Variants in BOLL observed in about 807,000 individuals in gnomAD.
BOLL encodes the protein protein boule-like.
Under a neutral mutation model 44.4 loss-of-function variants are expected in BOLL, and 23 were observed. That is an observed-to-expected ratio of 0.52 (90% CI 0.37 to 0.73). BOLL has a LOEUF of 0.73. BOLL is among the 30% of genes least tolerant of loss of function. BOLL has a pLI of 0.00. For missense variants in BOLL, 287 were observed against 338.3 expected (o/e 0.85, Z 1.19); for synonymous variants, 97 against 110.8 (o/e 0.88, Z 0.78).
chr2:197,740,945 G>T (rs1687702708), intron 10 of BOLL, among the ~76,000 whole-genome samples: 1 of 152,132 alleles, frequency 6.6e-6, no homozygotes, highest in Non-Finnish European at 1.5e-5. Flanking sequence ...TTTGGCTTAG[G>T]ATTGACTTGG....
chr2:197,759,005 T>G lies in BOLL; in HGVS notation c.553-1605A>C, dbSNP rs747078985. 22 of 1,535,548 alleles carry G rather than the reference T, an allele frequency of 1.4e-5. No homozygotes were observed. The South Asian group carries it at 2.4e-4, about 17-fold the overall frequency. On this transcript the variant is annotated intron_variant, in intron 7 of 10. Transcript: ENST00000392296. ...ATCTTCTTGTATGACATTGTTTAAT[T>G]CCCTCGTAAAAAAAGAGAGGCATGA...
rs1686947941 is a variant in BOLL, at chr2:197,728,423, A to G, written c.*132T>C. On this transcript the variant is annotated 3_prime_UTR_variant, in exon 11 of 11. Coordinates refer to ENST00000392296, the MANE Select transcript of BOLL (RefSeq NM_033030.6). ...ACAGCTTATAGTGGAATAACTGAGT[A>G]TGGTGAGGTATTAACTAACACTAAG... is the stretch of plus-strand genomic sequence containing the variant. 3 of 1,368,370 alleles carry G rather than the reference A, an allele frequency of 2.2e-6. No homozygotes were observed. Among genetic ancestry groups the G allele is most frequent in the Non-Finnish European group, 3.1e-6 (3 of 970,456 alleles). The allele number at this position is 1,368,370 out of a possible 1,614,324, so 84.8% of individuals were successfully genotyped here.
intron 7 of BOLL, among the ~76,000 whole-genome samples, chr2:197,759,460 C>T (rs998825303): frequency 3.9e-5 from 6 of 152,176 alleles, no homozygotes; most frequent in African/African-American, 1.4e-4. Context: ...TCCCCACCCC[C>T]TCAACCCCAC....
chr2:197,773,367 C>G (rs897000463), intron 5 of BOLL, among the ~76,000 whole-genome samples: 2 of 151,568 alleles, frequency 1.3e-5, no homozygotes, highest in Non-Finnish European at 2.9e-5. Context: ...CCTAGTGATA[C>G]AGCAAAAAAT....
In BOLL at chr2:197,767,059, TG is replaced by T. The variant is rs371844241; in HGVS notation, c.481-457del. 2.0e-4 allele frequency among the ~76,000 whole-genome samples: 30 copies of T among 152,150 alleles called. No individual in the cohort carries two copies. The Middle Eastern group carries it at 0.01, about 52-fold the overall frequency. ...ACAAATAATCAATGTTCTATTCCTTTGTTATACCTATAATTAAAGCAAAGAT... is the reference window on the plus strand; with the variant it reads ...ACAAATAATCAATGTTCTATTCCTTTTTATACCTATAATTAAAGCAAAGAT... On this transcript the variant is annotated intron_variant, in intron 6 of 10. Coordinates refer to ENST00000392296, the MANE Select transcript of BOLL (RefSeq NM_033030.6).
At chr2:197,740,452 G>C (rs547735713) in intron 10 of BOLL, among the ~76,000 whole-genome samples, 1 of 152,026 alleles carries the variant, frequency 6.6e-6, no homozygotes, top group Non-Finnish European at 1.5e-5. Context: ...TGTTCATAAG[G>C]GAATAGGAAG....
intron 9 of BOLL, among the ~76,000 whole-genome samples, chr2:197,753,526 T>A (rs1209247579): frequency 1.3e-5 from 2 of 151,834 alleles, no homozygotes; most frequent in African/African-American, 4.8e-5. Context: ...CCACCAAACA[T>A]ATGAAAAAAA....
intron 10 of BOLL, among the ~76,000 whole-genome samples, chr2:197,734,266 C>T (rs1388598208): frequency 6.6e-6 from 1 of 151,696 alleles, no homozygotes; most frequent in Non-Finnish European, 1.5e-5. Flanking sequence ...CAATGAGATA[C>T]CATCTCACAC....
intron 10 of BOLL, 151 bp from the exon 11 acceptor site, chr2:197,728,729 C>G: frequency 1.8e-6 from 1 of 543,572 alleles, no homozygotes; most frequent in South Asian, 2.4e-5. Context: ...AAGTGAGAGG[C>G]TAGCAATTTA....
At chr2:197,735,345 C>T (rs1411659105) in intron 10 of BOLL, among the ~76,000 whole-genome samples, 1 of 152,020 alleles carries the variant, frequency 6.6e-6, no homozygotes, top group Non-Finnish European at 1.5e-5. Context: ...TGATAATTTC[C>T]TCCAATGATT....
chr2:197,781,987 G>T, intron 1 of BOLL, 122 bp from the exon 2 acceptor site: 1 of 737,958 alleles, frequency 1.4e-6, no homozygotes, highest in Non-Finnish European at 2.0e-6. Context: ...AGTATTCTAG[G>T]CTTTACTTTT....
intron 7 of BOLL, among the ~76,000 whole-genome samples, chr2:197,766,073 C>T (rs1359072668): frequency 6.6e-6 from 1 of 152,122 alleles, no homozygotes; most frequent in Admixed American, 6.5e-5. Context: ...ATATGTACCA[C>T]ATTTTCTTTA....
intron 10 of BOLL, among the ~76,000 whole-genome samples, chr2:197,737,359 T>C (rs1687540535): frequency 6.6e-6 from 1 of 152,204 alleles, no homozygotes; most frequent in South Asian, 2.1e-4. Flanking sequence ...TTCTCCTTAC[T>C]GTCCTTACAT....
intron 7 of BOLL, among the ~76,000 whole-genome samples, chr2:197,764,900 A>G (rs1231468056): frequency 1.3e-5 from 2 of 152,142 alleles, no homozygotes; most frequent in Non-Finnish European, 2.9e-5. Flanking sequence ...TGTCATCACT[A>G]CAGTAAGCTG....
chr2:197,751,069 GGCGGAAAT>G (rs1688221563), intron 9 of BOLL, among the ~76,000 whole-genome samples: 1 of 152,134 alleles, frequency 6.6e-6, no homozygotes. Flanking sequence ...ATGAAATTAA[GGCGGAAAT>G]AAATAGGTTC....
intron 5 of BOLL, chr2:197,774,095 C>G: frequency 2.4e-6 from 1 of 410,846 alleles, no homozygotes; most frequent in South Asian, 1.8e-5. Context: ...CTATTTAACC[C>G]CATACTTCTT....
At chr2:197,733,168 C>T (rs1271788417) in intron 10 of BOLL, among the ~76,000 whole-genome samples, 1 of 116,260 alleles carries the variant, frequency 8.6e-6, no homozygotes, top group Non-Finnish European at 1.8e-5. Flanking sequence ...ACACCAACAA[C>T]AGACAAACAG....
At chr2:197,767,993 T>C (rs1343814204) in intron 6 of BOLL, among the ~76,000 whole-genome samples, 1 of 151,820 alleles carries the variant, frequency 6.6e-6, no homozygotes, top group Non-Finnish European at 1.5e-5. Flanking sequence ...GTGAAAGAAA[T>C]AGAAGTACAC....
chr2:197,731,482 A>C (rs1159562828), intron 10 of BOLL, among the ~76,000 whole-genome samples: 1 of 141,722 alleles, frequency 7.1e-6, no homozygotes, highest in Non-Finnish European at 1.5e-5. Context: ...CATCTACAGA[A>C]CTCTCCACCC....
Sources: gnomAD v4.1 joint callset for allele counts (sites outside exome capture counted in the v4.1 genomes callset) on GRCh38, gnomAD v4.1.1 for gene constraint, MANE v1.5 for transcripts, NCBI Gene and HGNC (gene_info 2026-07-23, HGNC 2026-07-21) for gene names.